APC: variants seen among roughly 807,000 people sequenced by gnomAD.
APC encodes adenomatous polyposis coli protein.
In APC, 72 loss-of-function variants were observed where a neutral mutation model predicts 247.0. The ratio of observed to expected loss-of-function variants is 0.29; its 90% CI spans 0.24 to 0.35. APC has a LOEUF of 0.35. APC is among the 10% of genes least tolerant of loss of function. APC has a pLI of 1.00. For missense variants in APC, 3,400 were observed against 3,360.7 expected, an observed-to-expected ratio of 1.01 and a Z score of -0.29; for synonymous variants, 1,254 against 1,162.5, an observed-to-expected ratio of 1.08 and a Z score of -1.60.
At chr5:112,759,499 A>G (rs1344340310) in intron 2 of APC, among the ~76,000 whole-genome samples, 3 of 151,676 alleles carry the variant, frequency 2.0e-5, no homozygotes, top group Non-Finnish European at 4.4e-5. Flanking sequence ...CTGGGACTAC[A>G]GGCGTGCACC....
At chr5:112,790,624 C>T (rs1268104323) in intron 6 of APC, among the ~76,000 whole-genome samples, 5 of 152,070 alleles carry the variant, frequency 3.3e-5, no homozygotes, top group East Asian at 1.9e-4. Context: ...CCACCGTGCC[C>T]GGCAGCGAAC....
Position 112,818,849 on chromosome 5 carries a change from G to GC in APC, c.934-117_934-116insC, listed in dbSNP as rs1222244799. The GC allele has an allele frequency of 2.8e-6, 3 of 1,056,664 alleles. No homozygotes were observed. In the Admixed American group the frequency reaches 6.4e-5, roughly 22 times the overall value. 65.5% of individuals were successfully genotyped at this position (1,056,664 alleles called of 1,614,324 possible). A position where few individuals can be genotyped will look rare whatever the true frequency, so the allele number is the denominator to read the frequency against. The stretch of plus-strand genomic sequence containing the variant: ...CCGGTTTTTTGTTTTTTTTTTGGCG[G>GC]GGGGGGTTGTTTTGTTTTTTTAGAG... On this transcript the variant is annotated intron_variant, in intron 9 of 15. Coordinates refer to ENST00000257430, the MANE Select transcript of APC (RefSeq NM_000038.6).
chr5:112,732,548 C>T (rs1752151096), intron 1 of APC, among the ~76,000 whole-genome samples: 2 of 152,064 alleles, frequency 1.3e-5, no homozygotes, highest in African/African-American at 4.8e-5. Flanking sequence ...ACTATTATTC[C>T]GTGAGGGCAT....
intron 1 of APC, among the ~76,000 whole-genome samples, chr5:112,722,588 C>A (rs1171871159): frequency 6.6e-6 from 1 of 152,034 alleles, no homozygotes; most frequent in Non-Finnish European, 1.5e-5. Flanking sequence ...GTCCTAGCCT[C>A]TGGAACTTCT....
chr5:112,807,481 A>G (rs1343148723), intron 8 of APC, among the ~76,000 whole-genome samples: 4 of 151,932 alleles, frequency 2.6e-5, no homozygotes, highest in Non-Finnish European at 4.4e-5. Context: ...ATCTTTTCCT[A>G]TCTATATGTG....
chr5:112,824,375 A>G (rs553259035), intron 11 of APC, among the ~76,000 whole-genome samples: 49 of 152,336 alleles, frequency 3.2e-4, no homozygotes, highest in African/African-American at 1.1e-3. Flanking sequence ...CTGTGCCTCA[A>G]AATTCTCTGA....
At chr5:112,775,777 A>C in intron 5 of APC, 40 bp downstream of exon 5, 2 of 1,125,530 alleles carry the variant, frequency 1.8e-6, no homozygotes, top group South Asian at 2.7e-5. Flanking sequence ...AAACTTTAAT[A>C]ACTTGATATT....
intron 2 of APC, among the ~76,000 whole-genome samples, chr5:112,757,482 C>G (rs1382497376): frequency 3.3e-5 from 5 of 152,034 alleles, no homozygotes; most frequent in African/African-American, 1.2e-4. Context: ...ACCTATAATC[C>G]TAGCACTTTC....
At chr5:112,707,976 C>T (rs945028461) in intron 1 of APC, 5 of 1,194,862 alleles carry the variant, frequency 4.2e-6, no homozygotes, top group East Asian at 3.7e-5. Flanking sequence ...CTCGGCCCGA[C>T]TCTGTGGCTC....
chr5:112,707,869 C>A lies in APC; in HGVS notation c.152C>A (p.Ala51Glu), dbSNP rs1373162519. 1 of 1,369,060 alleles carries A rather than the reference C, an allele frequency of 7.3e-7. No homozygotes were observed. The highest frequency in any genetic ancestry group is 2.2e-5 in the Admixed American group (1 of 45,994). The allele number at this position is 1,369,060 out of a possible 1,614,324, so 84.8% of individuals were successfully genotyped here. A position where few individuals can be genotyped will look rare whatever the true frequency, so the allele number is the denominator to read the frequency against. ...GGCGCTCGTACTTCTGGCCACTGGG[C>A]GAGCGTCTGGCAGGTGAGTGAGGCT... The change falls in exon 1 of 14, where the codon GCG (alanine) becomes GAG (glutamate). Residue 51 changes from alanine (A) to glutamate (E), a missense_variant. By Grantham distance (107) the Ala-to-Glu change is moderately radical. Transcript: ENST00000507379.
At chr5:112,825,093 T>C (rs1202207696) in intron 11 of APC, among the ~76,000 whole-genome samples, 4 of 152,182 alleles carry the variant, frequency 2.6e-5, no homozygotes, top group Non-Finnish European at 5.9e-5. Flanking sequence ...TTTCCCAGTT[T>C]CCTTTTCTCA....
intron 6 of APC, among the ~76,000 whole-genome samples, chr5:112,784,089 A>G (rs1314532057): frequency 6.6e-6 from 1 of 151,998 alleles, no homozygotes; most frequent in East Asian, 1.9e-4. Flanking sequence ...TCTTTTTGAG[A>G]CACAGTCTTG....
At chr5:112,799,321 T>A (rs1209935429) in intron 7 of APC, among the ~76,000 whole-genome samples, 1 of 151,930 alleles carries the variant, frequency 6.6e-6, no homozygotes, top group African/African-American at 2.4e-5. Flanking sequence ...GTATTACCTA[T>A]CTCTGTGAGG....
At chr5:112,736,163 A>T (rs1311198316), upstream of APC, among the ~76,000 whole-genome samples, 1 of 152,232 alleles carries the variant, frequency 6.6e-6, no homozygotes, top group Non-Finnish European at 1.5e-5. Flanking sequence ...TGCTTTCAGT[A>T]AGAGGATTTT....
At chr5:112,719,660 G>A (rs1208031547) in intron 1 of APC, among the ~76,000 whole-genome samples, 1 of 151,544 alleles carries the variant, frequency 6.6e-6, no homozygotes, top group African/African-American at 2.4e-5. Context: ...TCAGCCTAGT[G>A]AGTAGCTGGA....
At position 112,744,754 on chromosome 5, in the gene APC, T is replaced by G. The variant is rs551960213; in HGVS notation, c.-19+6829T>G. 1.1e-4 allele frequency among the ~76,000 whole-genome samples: 17 copies of G among 152,296 alleles called. No homozygotes were observed. In the South Asian group the frequency reaches 2.5e-3, roughly 22 times the overall value. ...TGAGGAGAGACTTACTTGAGGAAGG[T>G]TATCTTGGAACTTAATAGGAAATAA... On this transcript the variant is annotated intron_variant, in intron 1 of 15. Coordinates refer to ENST00000257430, the MANE Select transcript of APC (RefSeq NM_000038.6).
At chr5:112,777,310 A>G (rs1757765928) in intron 5 of APC, among the ~76,000 whole-genome samples, 1 of 152,198 alleles carries the variant, frequency 6.6e-6, no homozygotes, top group Non-Finnish European at 1.5e-5. Context: ...AGAAACCCAG[A>G]ATGGTCCTTA....
intron 1 of APC, among the ~76,000 whole-genome samples, chr5:112,731,840 C>T (rs1249096129): frequency 6.6e-6 from 1 of 152,202 alleles, no homozygotes; most frequent in Non-Finnish European, 1.5e-5. Flanking sequence ...CTGTTCACTG[C>T]AGCCTCTGCC....
intron 2 of APC, among the ~76,000 whole-genome samples, chr5:112,756,413 T>C (rs1446272973): frequency 1.3e-5 from 2 of 152,244 alleles, no homozygotes; most frequent in Non-Finnish European, 2.9e-5. Context: ...AAGACTTGCA[T>C]TAGTTGCCTA....
Sources: allele counts gnomAD v4.1 joint callset (sites outside exome capture counted in the v4.1 genomes callset), GRCh38; gene constraint gnomAD v4.1.1; transcripts MANE v1.5; gene names NCBI Gene and HGNC (gene_info 2026-07-23, HGNC 2026-07-21).